The following PTER variants were observed in gnomAD, a reference collection of about 807,000 sequenced individuals.
The protein encoded by PTER is phosphotriesterase related, also known as N-acetyltaurine hydrolase.
A neutral mutation model predicts 29.6 loss-of-function variants in PTER; 38 were observed. That is an observed-to-expected ratio of 1.28 (90% confidence interval 0.99 to 1.68). PTER has a LOEUF of 1.68. PTER is among the 40% of genes most tolerant of loss of function. The pLI, the probability that PTER is intolerant of heterozygous loss-of-function variation, is 0.00. For synonymous variants in PTER, 172 were observed against 154.5 expected (o/e 1.11, Z -0.84); for missense variants, 482 against 427.8 (o/e 1.13, Z -1.12).
rs771307459 is a variant in PTER at position 16,484,502 on chromosome 10, C to G, written c.118C>G (p.Pro40Ala). ...GACCTTTGACTGCTGTTACTGTCCACCTCCCCCGTGCCAGGAAGCTATTTC... is the reference window on the plus strand; with the variant it reads ...GACCTTTGACTGCTGTTACTGTCCAGCTCCCCCGTGCCAGGAAGCTATTTC... The part of the protein sequence containing the change: ...AMTFDCCYCP[P>A]PPCQEAISKE... Residue 40 changes from proline to alanine, a missense_variant, in exon 2 of 5, where the codon CCT (proline) becomes GCT (alanine). By Grantham distance (27) the Pro-to-Ala change is conservative. Coordinates refer to ENST00000535784, the MANE Select transcript of PTER (RefSeq NM_001261836.2). 1 of 1,613,944 alleles carries G rather than the reference C, an allele frequency of 6.2e-7. No individual in the cohort carries two copies. Among genetic ancestry groups the G allele is most frequent in the South Asian group, 1.1e-5 (1 of 91,044 alleles).
Position 16,484,762 on chromosome 10 carries a change from G to A in PTER, c.378G>A (p.Gly126=), listed in dbSNP as rs1408732143. Residue 126 remains glycine (G), a synonymous_variant, in exon 2 of 5, where the codon GGG becomes GGA. Transcript: ENST00000535784. ...ETGVHIISGA[G]FYVDATHSSE... is the part of the protein sequence containing the mutation. The stretch of plus-strand genomic sequence containing the variant: ...GCGTCCATATCATATCTGGAGCCGG[G>A]TTTTATGTGGATGCAACTCACTCCT... 4 of 1,613,510 alleles carry A rather than the reference G, an allele frequency of 2.5e-6. No individual in the cohort carries two copies. Among genetic ancestry groups the A allele is most frequent in the African/African-American group, 2.7e-5 (2 of 74,880 alleles).
At chr10:16,485,625 T>G (rs115446858) in intron 2 of PTER, among the ~76,000 whole-genome samples, 2,781 of 152,330 alleles carry the variant, frequency 0.018, 82 homozygotes, top group African/African-American at 0.063. Flanking sequence ...GACTTTATTT[T>G]TTTAATGTAT....
intron 3 of PTER, among the ~76,000 whole-genome samples, chr10:16,490,610 G>A (rs770119948): frequency 4.0e-5 from 6 of 151,318 alleles, no homozygotes; most frequent in Non-Finnish European, 7.4e-5. Context: ...GCTAAACCAA[G>A]CATTTCAAAA....
intron 1 of PTER, among the ~76,000 whole-genome samples, chr10:16,444,912 A>G (rs1797530572): frequency 2.0e-5 from 3 of 152,166 alleles, no homozygotes; most frequent in Admixed American, 6.5e-5. Flanking sequence ...TTACATGGGT[A>G]TGTAAGAGTA....
At chr10:16,481,192 C>G (rs776911011) in intron 1 of PTER, among the ~76,000 whole-genome samples, 2 of 152,250 alleles carry the variant, frequency 1.3e-5, no homozygotes, top group African/African-American at 2.4e-5. Context: ...TTCTCACTAG[C>G]TTCTGTGCCG....
chr10:16,486,222 A>G, intron 2 of PTER, 130 bp from the exon 3 acceptor site: 1 of 1,098,444 alleles, frequency 9.1e-7, no homozygotes, highest in Non-Finnish European at 1.3e-6. Flanking sequence ...GCCAATATTA[A>G]TTGATAAATA....
At position 16,507,273 on chromosome 10, in the gene PTER, A is replaced by G. The variant is rs145469061; in HGVS notation, c.839+2113A>G. On this transcript the variant is annotated intron_variant, in intron 4 of 4. Coordinates refer to ENST00000535784, the MANE Select transcript of PTER (RefSeq NM_001261836.2). Reference sequence around the variant, plus strand: ...TGTGTATATATATATGTGTGTGTGTATATATATACACAGTAGAAGAAGTGA... The same window carrying G: ...TGTGTATATATATATGTGTGTGTGTGTATATATACACAGTAGAAGAAGTGA... Among the ~76,000 whole-genome samples, 369 of 151,300 alleles carry G rather than the reference A, an allele frequency of 2.4e-3. 9 individuals carry two copies. Among genetic ancestry groups the G allele is most frequent in the Non-Finnish European group, 5.6e-4 (38 of 67,868 alleles).
chr10:16,507,791 C>G lies in PTER; in HGVS notation c.839+2631C>G, dbSNP rs1332156355. ...AAGTTCTGTCTTTTAATACTCAGAT[C>G]AGTTATTTGACAAGTAGATGTATTG... is the stretch of plus-strand genomic sequence containing the variant. On this transcript the variant is annotated intron_variant, in intron 4 of 4. Coordinates refer to ENST00000535784, the MANE Select transcript of PTER (RefSeq NM_001261836.2). Among the ~76,000 whole-genome samples, 6 of 152,322 alleles carry G rather than the reference C, an allele frequency of 3.9e-5. No homozygotes were observed. In the East Asian group the frequency reaches 1.2e-3, roughly 29 times the overall value.
chr10:16,487,289 C>T (rs370034715), intron 3 of PTER, among the ~76,000 whole-genome samples: 3 of 152,176 alleles, frequency 2.0e-5, no homozygotes, highest in Admixed American at 6.5e-5. Flanking sequence ...GTCAGGGCCC[C>T]GCTTCCTCCA....
At chr10:16,463,467 C>G (rs1484960449) in intron 1 of PTER, among the ~76,000 whole-genome samples, 2 of 152,192 alleles carry the variant, frequency 1.3e-5, no homozygotes, top group East Asian at 1.9e-4. Flanking sequence ...GCTGGAGTGC[C>G]ATGGCAGGCG....
At chr10:16,445,736 A>G (rs538438013) in intron 1 of PTER, among the ~76,000 whole-genome samples, 7 of 152,182 alleles carry the variant, frequency 4.6e-5, no homozygotes, top group South Asian at 2.1e-4. Context: ...CTTCTGCCCA[A>G]TGTCTTCTCT....
chr10:16,515,821 A>G (rs978638841), downstream of PTER, among the ~76,000 whole-genome samples: 1 of 152,160 alleles, frequency 6.6e-6, no homozygotes, highest in Non-Finnish European at 1.5e-5. Context: ...TTCCACTATA[A>G]TGATATTTCC....
intron 1 of PTER, among the ~76,000 whole-genome samples, chr10:16,461,901 A>C (rs752622278): frequency 7.2e-5 from 11 of 152,128 alleles, no homozygotes; most frequent in Non-Finnish European, 1.6e-4. Context: ...ATCATTACCT[A>C]AAATAACAAC....
chr10:16,497,060 A>ACCTCCTACCTC (rs1836136592), intron 3 of PTER, among the ~76,000 whole-genome samples: 2 of 150,650 alleles, frequency 1.3e-5, no homozygotes, highest in African/African-American at 4.9e-5. Context: ...TCAGCCTCCC[A>ACCTCCTACCTC]AGTAGCTAGG....
At position 16,511,173 on chromosome 10, in the gene PTER, A is replaced by G. The variant is rs1283607005; in HGVS notation, c.967A>G (p.Lys323Glu). Reference sequence around the variant, plus strand: ...TCATATACTCACCAATGTTGTTCCTAAAATGTTGCTGAGAGGCATAACTGA... The same window carrying G: ...TCATATACTCACCAATGTTGTTCCTGAAATGTTGCTGAGAGGCATAACTGA... Reference protein sequence around the residue: ...YSHILTNVVPKMLLRGITENV... With the variant: ...YSHILTNVVPEMLLRGITENV... The change falls in exon 5 of 5, where the codon AAA becomes GAA. Residue 323 changes from lysine (K) to glutamate (E), a missense_variant. Physicochemically the swap from Lys to Glu is moderately conservative, Grantham distance 56. Coordinates refer to ENST00000535784, the MANE Select transcript of PTER (RefSeq NM_001261836.2). 7.4e-6 allele frequency: 12 copies of G among 1,614,038 alleles called. No homozygotes were observed. The highest frequency in any genetic ancestry group is 1.0e-5 in the Non-Finnish European group (12 of 1,179,996).
At chr10:16,482,001 G>C (rs1291030882) in intron 1 of PTER, among the ~76,000 whole-genome samples, 2 of 152,172 alleles carry the variant, frequency 1.3e-5, no homozygotes, top group African/African-American at 4.8e-5. Context: ...ATATTGCCCT[G>C]TATAGTGCCT....
intron 1 of PTER, among the ~76,000 whole-genome samples, chr10:16,482,343 C>A (rs538327903): frequency 6.6e-6 from 1 of 152,218 alleles, no homozygotes; most frequent in South Asian, 2.1e-4. Context: ...CCTTTGTTCC[C>A]CCAAATCATC....
At chr10:16,495,168 C>CTTTTT (rs3047217) in intron 3 of PTER, among the ~76,000 whole-genome samples, 5 of 132,208 alleles carry the variant, frequency 3.8e-5, no homozygotes, top group Non-Finnish European at 8.0e-5. Flanking sequence ...TTTGGAATTA[C>CTTTTT]TTTTTTTTTT....
At chr10:16,492,166 C>G (rs567129031) in intron 3 of PTER, among the ~76,000 whole-genome samples, 3 of 152,266 alleles carry the variant, frequency 2.0e-5, no homozygotes, top group Admixed American at 6.5e-5. Flanking sequence ...GTGTCTAGGC[C>G]GTCCCCTAAC....
Sources: allele counts gnomAD v4.1 joint callset (sites outside exome capture counted in the v4.1 genomes callset), GRCh38; gene constraint gnomAD v4.1.1; transcripts MANE v1.5; gene names NCBI Gene and HGNC (gene_info 2026-07-23, HGNC 2026-07-21).